IBSP: variants seen among roughly 807,000 people sequenced by gnomAD.
The protein encoded by IBSP is integrin binding sialoprotein, also known as integrin-binding sialoprotein.
IBSP carries 19 observed loss-of-function variants against 25.5 expected under a neutral mutation model. The ratio of observed to expected loss-of-function variants is 0.74; its 90% CI spans 0.52 to 1.09. The LOEUF is 1.09. IBSP is among the 50% of genes least tolerant of loss of function. The pLI, the probability that IBSP is intolerant of heterozygous loss-of-function variation, is 0.00. For missense variants in IBSP, 360 were observed against 382.3 expected, an observed-to-expected ratio of 0.94 and a Z score of 0.49; for synonymous variants, 144 against 137.6, an observed-to-expected ratio of 1.05 and a Z score of -0.33.
In IBSP at chr4:87,808,058, A is replaced by T. The variant is rs766706184; in HGVS notation, c.246+1874A>T. On this transcript the variant is annotated intron_variant, in intron 5 of 6. Transcript: ENST00000226284. ...CTCATTCTCTAAAATGTTATTAGCA[A>T]TTTAGGTTAAATATAGAGTCCCCAG... is the stretch of plus-strand genomic sequence containing the variant. 2.6e-5 allele frequency among the ~76,000 whole-genome samples: 4 copies of T among 152,182 alleles called. No individual in the cohort carries two copies. The East Asian group carries it at 7.7e-4, about 29-fold the overall frequency.
rs1036600452 is a variant in IBSP at position 87,812,215 on chromosome 4, T to A, written c.*305T>A. ...TATAAATAGTAGTTTTTAACATGCCTGTAGTATTGCTAACTGCAAAAACAT... is the reference window on the plus strand; with the variant it reads ...TATAAATAGTAGTTTTTAACATGCCAGTAGTATTGCTAACTGCAAAAACAT... On this transcript the variant is annotated 3_prime_UTR_variant, in exon 7 of 7. Coordinates refer to ENST00000226284, the MANE Select transcript of IBSP (RefSeq NM_004967.4). 89 of 284,516 alleles carry A rather than the reference T, an allele frequency of 3.1e-4. No individual in the cohort carries two copies. The highest frequency in any genetic ancestry group is 1.4e-3 in the African/African-American group (63 of 46,072). 17.6% of individuals were successfully genotyped at this position (284,516 alleles called of 1,614,324 possible). A position where few individuals can be genotyped will look rare whatever the true frequency, so the allele number is the denominator to read the frequency against.
chr4:87,802,663 T>A lies in IBSP; in HGVS notation c.115T>A (p.Tyr39Asn). The change falls in exon 4 of 7, where the codon TAC becomes AAC. Residue 39 changes from tyrosine (Y) to asparagine (N), a missense_variant. Physicochemically the swap from Tyr to Asn is moderately radical, Grantham distance 143 (BLOSUM62 -2). Coordinates refer to ENST00000226284, the MANE Select transcript of IBSP (RefSeq NM_004967.4). ...EDSEENGVFK[Y>N]RPRYYLYKHA... is the part of the protein sequence containing the mutation. ...TATTTTGTTTTTGCAGGTCTTTAAG[T>A]ACAGGCCACGATATTATCTTTACAA... 1 of 1,575,716 alleles carries A rather than the reference T, an allele frequency of 6.3e-7. No homozygotes were observed. The highest frequency in any genetic ancestry group is 8.6e-7 in the Non-Finnish European group (1 of 1,168,604).
intron 5 of IBSP, among the ~76,000 whole-genome samples, chr4:87,809,292 G>A (rs112041557): frequency 0.017 from 2,516 of 152,282 alleles, 71 homozygotes; most frequent in African/African-American, 0.057. Context: ...AAAAGAAAAG[G>A]TGTAAGAGAA....
At chr4:87,807,866 A>G (rs1722111366) in intron 5 of IBSP, among the ~76,000 whole-genome samples, 1 of 152,242 alleles carries the variant, frequency 6.6e-6, no homozygotes, top group Non-Finnish European at 1.5e-5. Context: ...GCTGCCTAGC[A>G]TAATTTCTTA....
chr4:87,809,958 G>A (rs577334913), intron 5 of IBSP, among the ~76,000 whole-genome samples: 8 of 152,290 alleles, frequency 5.3e-5, no homozygotes, highest in South Asian at 2.1e-4. Flanking sequence ...CAGACTGGGC[G>A]CGGTGGCTCA....
At position 87,802,553 on chromosome 4, in the gene IBSP, A is replaced by C; in HGVS notation, c.100A>C (p.Asn34His). ...AGTCAAAATAGAGGATTCTGAAGAAAATGGGGTAATTAATTTTAGCATACT... is the reference window on the plus strand; with the variant it reads ...AGTCAAAATAGAGGATTCTGAAGAACATGGGGTAATTAATTTTAGCATACT... ...RRVKIEDSEE[N>H]GVFKYRPRYY... The change falls in exon 3 of 7, where the codon AAT becomes CAT. Residue 34 changes from asparagine (N) to histidine (H), a missense_variant. By Grantham distance (68) the Asn-to-His change is moderately conservative. Transcript: ENST00000226284. 6.2e-7 allele frequency: 1 copy of C among 1,604,700 alleles called. No individual in the cohort carries two copies. The highest frequency in any genetic ancestry group is 8.5e-7 in the Non-Finnish European group (1 of 1,176,370).
intron 5 of IBSP, among the ~76,000 whole-genome samples, chr4:87,808,944 C>A (rs1386333465): frequency 1.3e-5 from 2 of 152,190 alleles, no homozygotes; most frequent in East Asian, 1.9e-4. Context: ...ATATTCATTT[C>A]TCGAGGCCAT....
intron 5 of IBSP, among the ~76,000 whole-genome samples, chr4:87,809,742 A>C (rs1722142257): frequency 6.6e-6 from 1 of 152,224 alleles, no homozygotes; most frequent in Non-Finnish European, 1.5e-5. Context: ...TATTGAAGTG[A>C]ATTCAATTTT....
At chr4:87,803,713 G>C (rs1722054633) in intron 4 of IBSP, among the ~76,000 whole-genome samples, 2 of 152,130 alleles carry the variant, frequency 1.3e-5, no homozygotes, top group African/African-American at 4.8e-5. Flanking sequence ...TCTAGCACCA[G>C]CATAATTATG....
intron 4 of IBSP, 93 bp downstream of exon 4, chr4:87,802,824 C>T (rs1722040027): frequency 1.3e-6 from 1 of 784,580 alleles, no homozygotes; most frequent in African/African-American, 1.8e-5. Flanking sequence ...ATTCAACTCT[C>T]ACTGAAATTC....
At chr4:87,810,066 A>C (rs531263273) in intron 5 of IBSP, among the ~76,000 whole-genome samples, 4 of 152,288 alleles carry the variant, frequency 2.6e-5, no homozygotes, top group African/African-American at 9.6e-5. Flanking sequence ...TCTACTAAAA[A>C]TACAAAAATT....
At chr4:87,803,115 C>G (rs1722043880) in intron 4 of IBSP, among the ~76,000 whole-genome samples, 1 of 152,162 alleles carries the variant, frequency 6.6e-6, no homozygotes, top group African/African-American at 2.4e-5. Context: ...TGTCAGATAG[C>G]TGTTTACATG....
intron 4 of IBSP, among the ~76,000 whole-genome samples, chr4:87,803,142 T>C (rs72875419): frequency 0.018 from 2,706 of 152,274 alleles, 102 homozygotes; most frequent in African/African-American, 0.062. Flanking sequence ...TGCAGAGTCC[T>C]TTAATTGGTA....
chr4:87,804,035 A>G (rs1440478733), intron 4 of IBSP, among the ~76,000 whole-genome samples: 1 of 152,198 alleles, frequency 6.6e-6, no homozygotes, highest in Non-Finnish European at 1.5e-5. Flanking sequence ...TACATTTCTC[A>G]ATATTGATAG....
At chr4:87,807,877 T>C (rs17013177) in intron 5 of IBSP, among the ~76,000 whole-genome samples, 5,655 of 152,308 alleles carry the variant, frequency 0.037, 348 homozygotes, top group African/African-American at 0.13. Flanking sequence ...TAATTTCTTA[T>C]ACATATATGG....
In IBSP at chr4:87,811,919, C is replaced by T; in HGVS notation, c.*9C>T. 1 of 1,511,304 alleles carries T rather than the reference C, an allele frequency of 6.6e-7. No homozygotes were observed. The highest frequency in any genetic ancestry group is 8.8e-7 in the Non-Finnish European group (1 of 1,130,880). 93.6% of individuals were successfully genotyped at this position (1,511,304 alleles called of 1,614,324 possible). On this transcript the variant is annotated 3_prime_UTR_variant, in exon 7 of 7. Coordinates refer to ENST00000226284, the MANE Select transcript of IBSP (RefSeq NM_004967.4). ...ACTACCACCACCAGTGAAGCTCCAG[C>T]CTGGGATGAATTCATCCATTCTGGC...
intron 6 of IBSP, 72 bp from the exon 7 acceptor site, chr4:87,811,290 G>A (rs900636097): frequency 1.3e-6 from 2 of 1,503,326 alleles, no homozygotes; most frequent in South Asian, 1.3e-5. Flanking sequence ...GTATTGTGTT[G>A]CATGAAATGA....
At chr4:87,807,412 G>A (rs1046605753) in intron 5 of IBSP, among the ~76,000 whole-genome samples, 9 of 147,996 alleles carry the variant, frequency 6.1e-5, no homozygotes, top group East Asian at 1.9e-4. Flanking sequence ...AACATTTCCC[G>A]TATCATAATT....
chr4:87,801,502 AC>A, intron 1 of IBSP, among the ~76,000 whole-genome samples: 1 of 142,522 alleles, frequency 7.0e-6, no homozygotes, highest in Non-Finnish European at 1.6e-5. Context: ...ACACACACAC[AC>A]ACACACACAC....
Sources: allele counts gnomAD v4.1 joint callset (sites outside exome capture counted in the v4.1 genomes callset), GRCh38; gene constraint gnomAD v4.1.1; transcripts MANE v1.5; gene names NCBI Gene and HGNC (gene_info 2026-07-23, HGNC 2026-07-21).